LRP1B: variants seen among roughly 807,000 people sequenced by gnomAD.
LRP1B encodes LDL receptor related protein 1B, also known as low-density lipoprotein receptor-related protein 1B.
A neutral mutation model predicts 556.6 loss-of-function variants in LRP1B; 217 were observed. The observed-to-expected ratio is 0.39, with a 90% CI of 0.35 to 0.44. LRP1B has a LOEUF of 0.44. Among genes scored for constraint, LRP1B ranks in the 20% least tolerant of loss-of-function variants. The pLI is 1.00. For missense variants in LRP1B, 5,053 were observed against 5,620.8 expected, an observed-to-expected ratio of 0.90 and a Z score of 3.23; for synonymous variants, 2,047 against 1,865.8, an observed-to-expected ratio of 1.10 and a Z score of -2.50.
chr2:141,128,681 C>A (rs186507928), intron 7 of LRP1B, among the ~76,000 whole-genome samples: 214 of 145,178 alleles, frequency 1.5e-3, no homozygotes, highest in African/African-American at 5.2e-3. Flanking sequence ...AGTGCGATGG[C>A]GTGATCTTGG....
intron 2 of LRP1B, among the ~76,000 whole-genome samples, chr2:141,532,452 A>G (rs1684918866): frequency 6.6e-6 from 1 of 152,012 alleles, no homozygotes; most frequent in African/African-American, 2.4e-5. Flanking sequence ...TTTCTTTATT[A>G]TCTCTGAGTT....
At chr2:140,692,605 G>T (rs1204369756) in intron 41 of LRP1B, among the ~76,000 whole-genome samples, 1 of 152,050 alleles carries the variant, frequency 6.6e-6, no homozygotes, top group African/African-American at 2.4e-5. Flanking sequence ...CTATACTTTA[G>T]TATGATTATA....
chr2:141,629,100 T>C (rs1558765307), intron 2 of LRP1B, among the ~76,000 whole-genome samples: 1 of 152,236 alleles, frequency 6.6e-6, no homozygotes, highest in East Asian at 1.9e-4. Flanking sequence ...AGGGCTATTT[T>C]TTTTCCAAAC....
intron 23 of LRP1B, among the ~76,000 whole-genome samples, chr2:140,894,406 C>T (rs187139567): frequency 6.6e-6 from 1 of 151,986 alleles, no homozygotes; most frequent in Non-Finnish European, 1.5e-5. Context: ...GCAGATGCTG[C>T]TTAATTGTAG....
chr2:141,801,028 G>T (rs746121383), intron 2 of LRP1B, among the ~76,000 whole-genome samples: 11 of 152,210 alleles, frequency 7.2e-5, no homozygotes, highest in Non-Finnish European at 1.3e-4. Flanking sequence ...AAAGCAAAAT[G>T]TAACAAAATT....
intron 71 of LRP1B, among the ~76,000 whole-genome samples, chr2:140,370,308 A>G (rs547625277): frequency 6.6e-6 from 1 of 152,150 alleles, no homozygotes; most frequent in Admixed American, 6.6e-5. Context: ...TGAGTATGCC[A>G]TATGTTGTTC....
At chr2:141,639,506 T>G (rs1553440110) in intron 2 of LRP1B, among the ~76,000 whole-genome samples, 1 of 149,540 alleles carries the variant, frequency 6.7e-6, no homozygotes, top group Non-Finnish European at 1.5e-5. Context: ...AACCTCTGTA[T>G]AGCCATATTT....
intron 27 of LRP1B, among the ~76,000 whole-genome samples, chr2:140,860,655 C>T (rs575403445): frequency 6.6e-6 from 1 of 151,630 alleles, no homozygotes; most frequent in South Asian, 2.1e-4. Flanking sequence ...ATAACAATCA[C>T]ATTCTTGAAA....
chr2:141,883,231 A>G (rs1016493099), intron 1 of LRP1B, among the ~76,000 whole-genome samples: 2 of 152,150 alleles, frequency 1.3e-5, no homozygotes, highest in African/African-American at 4.8e-5. Flanking sequence ...AGAAAAACGT[A>G]TTTTCATGTC....
At chr2:140,353,156 ATT>A in intron 75 of LRP1B, 84 bp from the exon 76 acceptor site, 1 of 1,402,756 alleles carries the variant, frequency 7.1e-7, no homozygotes, top group Non-Finnish European at 9.8e-7. Flanking sequence ...AGCCAAAATT[ATT>A]TTTAACTTAT....
chr2:141,395,520 G>A, intron 3 of LRP1B, among the ~76,000 whole-genome samples: 1 of 152,062 alleles, frequency 6.6e-6, no homozygotes, highest in East Asian at 1.9e-4. Flanking sequence ...ACACAATGAT[G>A]AAATTGATTA....
At chr2:141,744,930 G>A (rs1231788758) in intron 2 of LRP1B, among the ~76,000 whole-genome samples, 1 of 152,168 alleles carries the variant, frequency 6.6e-6, no homozygotes, top group Non-Finnish European at 1.5e-5. Context: ...TACTGTAGTT[G>A]TTGTTGACTC....
intron 2 of LRP1B, among the ~76,000 whole-genome samples, chr2:141,601,795 G>T (rs903256645): frequency 1.3e-5 from 2 of 151,930 alleles, no homozygotes; most frequent in Non-Finnish European, 2.9e-5. Context: ...TAGAGACAGG[G>T]TTTCACCATG....
At chr2:142,019,693 G>C (rs1435082148) in intron 1 of LRP1B, among the ~76,000 whole-genome samples, 1 of 152,064 alleles carries the variant, frequency 6.6e-6, no homozygotes, top group South Asian at 2.1e-4. Flanking sequence ...GTAAAAACAG[G>C]GTCCTTGTAT....
chr2:141,805,187 T>A (rs1362207369), intron 2 of LRP1B, among the ~76,000 whole-genome samples: 1 of 152,116 alleles, frequency 6.6e-6, no homozygotes, highest in Admixed American at 6.6e-5. Context: ...GCATTTGCCT[T>A]TTCCCTTTAC....
At chr2:140,285,148 T>A (rs915064034) in intron 84 of LRP1B, among the ~76,000 whole-genome samples, 1 of 149,692 alleles carries the variant, frequency 6.7e-6, no homozygotes, top group African/African-American at 2.4e-5. Flanking sequence ...TAGATACACA[T>A]GTATATATGT....
intron 43 of LRP1B, among the ~76,000 whole-genome samples, chr2:140,577,870 T>C (rs1468263621): frequency 6.6e-6 from 1 of 152,228 alleles, no homozygotes; most frequent in Non-Finnish European, 1.5e-5. Context: ...TTGAATCTAA[T>C]TATATTGCTT....
At chr2:141,460,967 T>A (rs1258759436) in intron 3 of LRP1B, among the ~76,000 whole-genome samples, 1 of 151,876 alleles carries the variant, frequency 6.6e-6, no homozygotes, top group Non-Finnish European at 1.5e-5. Context: ...CTATTAGACA[T>A]CCAAGTGGAG....
chr2:141,906,688 CCTT>C (rs1391964195), intron 1 of LRP1B, among the ~76,000 whole-genome samples: 1 of 151,876 alleles, frequency 6.6e-6, no homozygotes, highest in Admixed American at 6.6e-5. Flanking sequence ...ATAATTTTCT[CCTT>C]AAGTGAAACA....
Sources: gnomAD v4.1 joint callset for allele counts (sites outside exome capture counted in the v4.1 genomes callset) on GRCh38, gnomAD v4.1.1 for gene constraint, MANE v1.5 for transcripts, NCBI Gene and HGNC (gene_info 2026-07-23, HGNC 2026-07-21) for gene names.